Variants in OPHN1 observed in about 807,000 individuals in gnomAD.
The protein encoded by OPHN1 is oligophrenin 1, also known as oligophrenin-1.
OPHN1 carries 11 observed loss-of-function variants against 60.7 expected under a neutral mutation model. That is an observed-to-expected ratio of 0.18 (90% CI 0.11 to 0.30). The LOEUF (loss-of-function observed/expected upper bound fraction) is 0.30. Ranked by LOEUF, OPHN1 falls within the 10% of genes least tolerant of loss-of-function variation. The probability of loss-of-function intolerance (pLI) is 1.00; values close to 1 mark genes in which losing one functional copy is unlikely to be tolerated. For missense variants in OPHN1, 449 were observed against 611.0 expected (o/e 0.73, Z 2.80); for synonymous variants, 226 against 222.6 (o/e 1.02, Z -0.14).
At chrX:68,168,576 A>C (rs1294225576) in intron 15 of OPHN1, among the ~76,000 whole-genome samples, 3 of 111,574 alleles carry the variant, frequency 2.7e-5, no homozygotes, top group African/African-American at 9.8e-5. Flanking sequence ...TGACACCTTA[A>C]CATCACAATT....
At chrX:68,310,790 T>G (rs190118648) in intron 2 of OPHN1, among the ~76,000 whole-genome samples, 2 of 111,972 alleles carry the variant, frequency 1.8e-5, no homozygotes, top group African/African-American at 6.5e-5. Flanking sequence ...AGTTTTTACT[T>G]GCTAAGAGAA....
intron 2 of OPHN1, among the ~76,000 whole-genome samples, chrX:68,348,941 G>T (rs1403763972): frequency 9.0e-6 from 1 of 111,555 alleles, no homozygotes; most frequent in Non-Finnish European, 1.9e-5. Context: ...AGGAGGTGTG[G>T]AGGGGAGAAA....
At chrX:68,294,473 C>CAAAAA (rs570989143) in intron 3 of OPHN1, among the ~76,000 whole-genome samples, 15 of 10,651 alleles carry the variant, frequency 1.4e-3, no homozygotes, top group East Asian at 2.9e-3. Context: ...GACTCTATCA[C>CAAAAA]AAAAAAAAAA....
intron 5 of OPHN1, among the ~76,000 whole-genome samples, chrX:68,270,586 T>C (rs1360946116): frequency 1.5e-5 from 1 of 64,757 alleles, no homozygotes; most frequent in African/African-American, 6.2e-5. Flanking sequence ...CTGGGGCCTG[T>C]TGTGGGGTGG....
chrX:68,124,592 G>T (rs767796444), intron 15 of OPHN1, among the ~76,000 whole-genome samples: 93 of 111,261 alleles, frequency 8.4e-4, no homozygotes, highest in African/African-American at 3.0e-3. Context: ...AATGGCTACA[G>T]AATACACATT....
At chrX:68,278,555 A>G (rs1375851223) in intron 4 of OPHN1, among the ~76,000 whole-genome samples, 1 of 113,185 alleles carries the variant, frequency 8.8e-6, no homozygotes, top group Non-Finnish European at 1.9e-5. Flanking sequence ...GTATTGCAGG[A>G]CTGCTCAGGA....
At chrX:68,136,476 TG>T (rs760496532) in intron 15 of OPHN1, among the ~76,000 whole-genome samples, 18 of 108,218 alleles carry the variant, frequency 1.7e-4, no homozygotes, top group Non-Finnish European at 2.7e-4. Flanking sequence ...GCTAATTTTT[TG>T]TATTTTTAGT....
chrX:68,386,643 C>G (rs1356672663), intron 2 of OPHN1, among the ~76,000 whole-genome samples: 1 of 111,686 alleles, frequency 9.0e-6, no homozygotes, highest in East Asian at 2.8e-4. Flanking sequence ...CAAAATAAAG[C>G]CAAACCCAAT....
intron 2 of OPHN1, among the ~76,000 whole-genome samples, chrX:68,305,300 C>T (rs2078139811): frequency 9.0e-6 from 1 of 111,490 alleles, no homozygotes; most frequent in Non-Finnish European, 1.9e-5. Context: ...GGCAAGAGGT[C>T]GAGACTGTAG....
At chrX:68,092,347 T>A (rs151232566) in intron 19 of OPHN1, among the ~76,000 whole-genome samples, 2,677 of 111,931 alleles carry the variant, frequency 0.024, 38 homozygotes, top group Admixed American at 0.056. Flanking sequence ...CTACATAAGG[T>A]CTAGAATTTC....
chrX:68,143,230 T>C (rs1043288291), intron 15 of OPHN1, among the ~76,000 whole-genome samples: 1 of 111,561 alleles, frequency 9.0e-6, no homozygotes, highest in Non-Finnish European at 1.9e-5. Flanking sequence ...TTAAAAAACA[T>C]GTTGCTGTTT....
Position 68,048,424 on chromosome X carries a change from T to C in OPHN1, c.2409A>G (p.Ter803TrpextTer5). 8.3e-7 allele frequency: 1 copy of C among 1,209,420 alleles called. No individual in the cohort carries two copies. The highest frequency in any genetic ancestry group is 3.0e-5 in the East Asian group (1 of 33,790). Residue 803 changes from the stop codon to tryptophan (W), a stop_lost, in exon 24 of 25, where the codon TGA becomes TGG. Coordinates refer to ENST00000355520, the MANE Select transcript of OPHN1 (RefSeq NM_002547.3). ...SQGRLPGDES* is the reference protein window; with the variant it reads ...SQGRLPGDESW Reference sequence around the variant, plus strand: ...GGATGGGGACTGCATACCTGTAGCCTCAACTTTCATCTCCAGGAAGTCTGC... The same window carrying C: ...GGATGGGGACTGCATACCTGTAGCCCCAACTTTCATCTCCAGGAAGTCTGC...
intron 6 of OPHN1, among the ~76,000 whole-genome samples, chrX:68,227,709 G>A (rs189597203): frequency 2.6e-4 from 29 of 111,352 alleles, no homozygotes; most frequent in African/African-American, 9.1e-4. Flanking sequence ...TGAAACCAAC[G>A]AGAACAAGAC....
chrX:68,182,632 C>T (rs1457560924), intron 15 of OPHN1, among the ~76,000 whole-genome samples: 3 of 111,769 alleles, frequency 2.7e-5, no homozygotes, highest in Non-Finnish European at 5.6e-5. Flanking sequence ...AGGGTCTGGC[C>T]GGGCGCAGTG....
chrX:68,189,977 A>G, intron 15 of OPHN1, among the ~76,000 whole-genome samples: 1 of 109,325 alleles, frequency 9.1e-6, no homozygotes, highest in African/African-American at 3.4e-5. Flanking sequence ...AGCATGAGAC[A>G]TAAGAAAAAA....
At chrX:68,365,357 T>C (rs1315502478) in intron 2 of OPHN1, among the ~76,000 whole-genome samples, 1 of 110,650 alleles carries the variant, frequency 9.0e-6, no homozygotes, top group Non-Finnish European at 1.9e-5. Flanking sequence ...AGAGCCTACG[T>C]AGCATATTGA....
In OPHN1 at chrX:68,292,398, C is replaced by T. The variant is rs753928215; in HGVS notation, c.250+6603G>A. Among the ~76,000 whole-genome samples, 218 of 111,410 alleles carry T rather than the reference C, an allele frequency of 2.0e-3. 1 individual carries two copies. Among genetic ancestry groups the T allele is most frequent in the African/African-American group, 6.5e-3 (201 of 30,714 alleles). On this transcript the variant is annotated intron_variant, in intron 3 of 24. Transcript: ENST00000355520. The stretch of plus-strand genomic sequence containing the variant: ...TATGATTATAGATTTTTTGTAAAAT[C>T]TTTTTATGGATTGATATTTCTTTTG...
At chrX:68,099,726 T>A (rs1006115031) in intron 18 of OPHN1, among the ~76,000 whole-genome samples, 4 of 112,469 alleles carry the variant, frequency 3.6e-5, no homozygotes, top group Non-Finnish European at 7.5e-5. Context: ...GCAGATCCAG[T>A]GTGCTAACAT....
At chrX:68,273,585 T>A (rs1358327132) in intron 5 of OPHN1, among the ~76,000 whole-genome samples, 1 of 112,311 alleles carries the variant, frequency 8.9e-6, no homozygotes, top group East Asian at 2.8e-4. Flanking sequence ...CAGTAGCTAC[T>A]AGACACAAGT....
Sources: allele counts gnomAD v4.1 joint callset (sites outside exome capture counted in the v4.1 genomes callset), GRCh38; gene constraint gnomAD v4.1.1; transcripts MANE v1.5; gene names NCBI Gene and HGNC (gene_info 2026-07-23, HGNC 2026-07-21).